Variants in BTBD16 observed in about 807,000 individuals in gnomAD.
BTBD16 encodes the protein BTB domain containing 16, also known as BTB/POZ domain-containing protein 16.
In BTBD16, 66 loss-of-function variants were observed where a neutral mutation model predicts 67.4. The ratio of observed to expected loss-of-function variants is 0.98; its 90% CI spans 0.80 to 1.20. The LOEUF is 1.20. Ranked by LOEUF, BTBD16 falls within the 50% of genes most tolerant of loss-of-function variation. The probability of loss-of-function intolerance (pLI) is 0.00; values close to 1 mark genes in which losing one functional copy is unlikely to be tolerated. For synonymous variants in BTBD16, 242 were observed against 236.4 expected, an observed-to-expected ratio of 1.02 and a Z score of -0.22; for missense variants, 634 against 616.0, an observed-to-expected ratio of 1.03 and a Z score of -0.31.
At chr10:122,297,017 C>T (rs748277352) in intron 7 of BTBD16, among the ~76,000 whole-genome samples, 104 of 152,332 alleles carry the variant, frequency 6.8e-4, no homozygotes, top group Non-Finnish European at 1.9e-4. Context: ...CCTCCTCTTT[C>T]AGGTTTTAAG....
chr10:122,295,203 C>A, intron 7 of BTBD16: 2 of 598,344 alleles, frequency 3.3e-6, no homozygotes, highest in Non-Finnish European at 4.2e-6. Context: ...AGAAGGAAGG[C>A]ATGGAAATCA....
intron 1 of BTBD16, among the ~76,000 whole-genome samples, chr10:122,274,704 C>T (rs1178462458): frequency 2.0e-5 from 3 of 152,174 alleles, no homozygotes; most frequent in Admixed American, 6.5e-5. Context: ...TTAGTCTCCT[C>T]GTCTGAATGA....
chr10:122,290,895 C>T (rs1298711147), intron 6 of BTBD16, among the ~76,000 whole-genome samples, 185 bp from the exon 7 acceptor site: 1 of 152,216 alleles, frequency 6.6e-6, no homozygotes, highest in South Asian at 2.1e-4. Context: ...TCAGCCTCAA[C>T]TCCTTTGGGA....
At chr10:122,303,282 AT>A (rs2096397500) in intron 9 of BTBD16, among the ~76,000 whole-genome samples, 1 of 152,232 alleles carries the variant, frequency 6.6e-6, no homozygotes, top group Non-Finnish European at 1.5e-5. Flanking sequence ...GATTTAATCT[AT>A]GTAATTTTAC....
chr10:122,320,010 A>T (rs1348277617), intron 10 of BTBD16, among the ~76,000 whole-genome samples: 8 of 152,092 alleles, frequency 5.3e-5, no homozygotes, highest in Non-Finnish European at 1.2e-4. Context: ...GTTCTTTGCT[A>T]TTATGTAGAA....
chr10:122,285,366 AG>A (rs1321577939), intron 4 of BTBD16, among the ~76,000 whole-genome samples: 1 of 152,110 alleles, frequency 6.6e-6, no homozygotes, highest in Non-Finnish European at 1.5e-5. Context: ...TTTTATCCTC[AG>A]GTTAGATGCC....
chr10:122,286,344 A>G (rs913352907), intron 5 of BTBD16, 96 bp downstream of exon 5: 1 of 1,471,502 alleles, frequency 6.8e-7, no homozygotes, highest in East Asian at 2.3e-5. Flanking sequence ...GACCACGGTC[A>G]CTCTAGCAGT....
intron 10 of BTBD16, among the ~76,000 whole-genome samples, chr10:122,311,017 G>T (rs1308723250): frequency 9.4e-6 from 1 of 105,858 alleles, no homozygotes; most frequent in African/African-American, 4.3e-5. Context: ...GACAGGCTAG[G>T]AGGGAACGTA....
chr10:122,303,645 A>C (rs1003645480), intron 9 of BTBD16: 31 of 851,834 alleles, frequency 3.6e-5, no homozygotes, highest in Non-Finnish European at 4.4e-5. Flanking sequence ...TTTATATATA[A>C]TTTTCTCAGT....
chr10:122,336,514 G>A lies in BTBD16; in HGVS notation c.1284G>A (p.Leu428=). 6.2e-7 allele frequency: 1 copy of A among 1,608,750 alleles called. No individual in the cohort carries two copies. Among genetic ancestry groups the A allele is most frequent in the Non-Finnish European group, 8.5e-7 (1 of 1,177,726 alleles). The change falls in exon 15 of 16, where the codon CTG becomes CTA. Residue 428 remains leucine, a synonymous_variant. Coordinates refer to ENST00000260723, the MANE Select transcript of BTBD16 (RefSeq NM_144587.5). The stretch of plus-strand genomic sequence containing the variant: ...TGCAGAGAATAAAGCACACAGACCT[G>A]GAATCTCCCTCTGCGGTCTACGAGC... The part of the protein sequence containing the change: ...FYMQRIKHTD[L]ESPSAVYEHN...
intron 1 of BTBD16, among the ~76,000 whole-genome samples, chr10:122,274,692 C>A (rs1235165154): frequency 6.6e-6 from 1 of 152,168 alleles, no homozygotes; most frequent in African/African-American, 2.4e-5. Context: ...AATATCATCC[C>A]TTTAGTCTCC....
At chr10:122,276,986 G>C (rs749058602) in intron 3 of BTBD16, 47 bp downstream of exon 3, 1 of 1,587,168 alleles carries the variant, frequency 6.3e-7, no homozygotes, top group Non-Finnish European at 8.6e-7. Context: ...CATTATTCCT[G>C]GGAGGGGAGG....
chr10:122,279,682 C>T (rs1590047635), intron 3 of BTBD16, among the ~76,000 whole-genome samples: 1 of 152,286 alleles, frequency 6.6e-6, no homozygotes, highest in East Asian at 1.9e-4. Context: ...AGGCAACTCT[C>T]AGGTGGCAAA....
chr10:122,277,058 A>T, intron 3 of BTBD16, 119 bp downstream of exon 3: 1 of 1,215,426 alleles, frequency 8.2e-7, no homozygotes, highest in African/African-American at 1.5e-5. Flanking sequence ...TCTGCAAGGA[A>T]GGCTCCCTCT....
Position 122,329,536 on chromosome 10 carries a change from T to A in BTBD16, c.968T>A (p.Leu323His), listed in dbSNP as rs778042734. The change falls in exon 11 of 16, where the codon CTC becomes CAC. Residue 323 changes from leucine to histidine, a missense_variant. Physicochemically the swap from Leu to His is moderately conservative, Grantham distance 99. Transcript: ENST00000260723. Reference sequence around the variant, plus strand: ...GACATAGGACGGAGCTTGAGGCCGCTCTTCCTCTGCTTGCGTCTGCACGGC... The same window carrying A: ...GACATAGGACGGAGCTTGAGGCCGCACTTCCTCTGCTTGCGTCTGCACGGC... Reference protein sequence around the residue: ...DRDIGRSLRPLFLCLRLHGIT... With the variant: ...DRDIGRSLRPHFLCLRLHGIT... The A allele has an allele frequency of 1.7e-5, 27 of 1,613,910 alleles. No homozygotes were observed. In the South Asian group the frequency reaches 2.1e-4, roughly 12 times the overall value.
chr10:122,329,189 A>G (rs1159574199), intron 10 of BTBD16, among the ~76,000 whole-genome samples: 1 of 152,208 alleles, frequency 6.6e-6, no homozygotes, highest in East Asian at 1.9e-4. Flanking sequence ...TGTTCCCATC[A>G]GTCACTTAAT....
At chr10:122,290,986 C>T in intron 6 of BTBD16, 94 bp from the exon 7 acceptor site, 1 of 1,410,912 alleles carries the variant, frequency 7.1e-7, no homozygotes, top group Non-Finnish European at 9.3e-7. Context: ...AAGGGCACCT[C>T]TGCCTGCCCA....
chr10:122,309,919 G>C (rs1039933606), intron 10 of BTBD16, among the ~76,000 whole-genome samples: 2 of 151,628 alleles, frequency 1.3e-5, no homozygotes, highest in Non-Finnish European at 2.9e-5. Context: ...CTACAGGCAC[G>C]TGCCACCACG....
At position 122,334,918 on chromosome 10, in the gene BTBD16, G is replaced by A; in HGVS notation, c.1202G>A (p.Gly401Glu). 6.3e-7 allele frequency: 1 copy of A among 1,577,088 alleles called. No homozygotes were observed. The highest frequency in any genetic ancestry group is 8.7e-7 in the Non-Finnish European group (1 of 1,148,856). Residue 401 changes from glycine to glutamate, a missense_variant, in exon 14 of 16, where the codon GGA (glycine) becomes GAA (glutamate). Physicochemically the swap from Gly to Glu is moderately conservative, Grantham distance 98 (BLOSUM62 -2). Coordinates refer to ENST00000260723, the MANE Select transcript of BTBD16 (RefSeq NM_144587.5). ...TATTCGAAAACGATTGCTCTATATG[G>A]ATTCTTCTTTAAGATAAAGGGACTC... ...TTYSKTIALY[G>E]FFFKIKGLKH...
Sources: gnomAD v4.1 joint callset for allele counts (sites outside exome capture counted in the v4.1 genomes callset) on GRCh38, gnomAD v4.1.1 for gene constraint, MANE v1.5 for transcripts, NCBI Gene and HGNC (gene_info 2026-07-23, HGNC 2026-07-21) for gene names.